MIER2: variants seen among roughly 807,000 people sequenced by gnomAD.
MIER2 encodes MIER family member 2, also known as mesoderm induction early response protein 2.
In MIER2, 30 loss-of-function variants were observed where a neutral mutation model predicts 67.6. That is an observed-to-expected ratio of 0.44 (90% confidence interval 0.33 to 0.60). The LOEUF (loss-of-function observed/expected upper bound fraction) is 0.60. Ranked by LOEUF, MIER2 falls within the 20% of genes least tolerant of loss-of-function variation. The probability of loss-of-function intolerance (pLI) is 0.02; values close to 1 mark genes in which losing one functional copy is unlikely to be tolerated. For synonymous variants in MIER2, 372 were observed against 312.6 expected, an observed-to-expected ratio of 1.19 and a Z score of -2.00; for missense variants, 702 against 745.1, an observed-to-expected ratio of 0.94 and a Z score of 0.67.
intron 1 of MIER2, among the ~76,000 whole-genome samples, chr19:340,960 T>A (rs8101120): frequency 2.6e-4 from 40 of 152,298 alleles, no homozygotes; most frequent in African/African-American, 8.7e-4. Flanking sequence ...TGCAGGGGCA[T>A]CTCACGCCTC....
chr19:337,503 C>A (rs1048038455), intron 1 of MIER2, among the ~76,000 whole-genome samples: 2 of 152,184 alleles, frequency 1.3e-5, no homozygotes, highest in Non-Finnish European at 2.9e-5. Flanking sequence ...AACGTGTACT[C>A]TCACCTCTCA....
chr19:306,247 A>C lies in MIER2; in HGVS notation c.*443T>G. The C allele has an allele frequency of 5.0e-6, 1 of 199,934 alleles. No homozygotes were observed. The highest frequency in any genetic ancestry group is 1.0e-5 in the Non-Finnish European group (1 of 99,562). 12.4% of individuals were successfully genotyped at this position (199,934 alleles called of 1,614,324 possible). ...CTGCCGGGTGTGGAGAGACAGAGCC[A>C]AGCAGGGAGCTGAGGGCGCCCCGGC... On this transcript the variant is annotated 3_prime_UTR_variant, in exon 14 of 14. Transcript: ENST00000264819.
intron 3 of MIER2, among the ~76,000 whole-genome samples, chr19:333,302 T>C (rs1600165683): frequency 1.5e-5 from 1 of 64,870 alleles, no homozygotes; most frequent in Non-Finnish European, 2.6e-5. Flanking sequence ...CCAACAATTT[T>C]TGTATTTTTA....
At chr19:322,715 T>G (rs1971550162) in intron 7 of MIER2, among the ~76,000 whole-genome samples, 1 of 148,938 alleles carries the variant, frequency 6.7e-6, no homozygotes, top group South Asian at 2.1e-4. Flanking sequence ...CACAAATCAT[T>G]AGTGAGAAAC....
In MIER2 at chr19:339,134, T is replaced by C. The variant is rs75005013; in HGVS notation, c.10-2961A>G. On this transcript the variant is annotated intron_variant, in intron 1 of 13. Coordinates refer to ENST00000264819, the MANE Select transcript of MIER2 (RefSeq NM_017550.3). ...ACAACTTCACCAAAATTAAAAACTTTTGTGCTTCAAAGGACGCCCCCAAGA... is the reference window on the plus strand; with the variant it reads ...ACAACTTCACCAAAATTAAAAACTTCTGTGCTTCAAAGGACGCCCCCAAGA... Among the ~76,000 whole-genome samples, 1,158 of 150,952 alleles carry C rather than the reference T, an allele frequency of 7.7e-3. 19 individuals are homozygous for C. The highest frequency in any genetic ancestry group is 0.027 in the African/African-American group (1,106 of 41,104).
chr19:314,613 G>C (rs930594454), intron 7 of MIER2, among the ~76,000 whole-genome samples: 2 of 152,022 alleles, frequency 1.3e-5, no homozygotes, highest in African/African-American at 4.8e-5. Context: ...ACCAAGCAGG[G>C]GCCTCTCCCG....
chr19:307,581 C>T (rs759704273), intron 12 of MIER2, 45 bp from the exon 13 acceptor site: 58 of 1,462,424 alleles, frequency 4.0e-5, no homozygotes, highest in Non-Finnish European at 4.7e-5. Context: ...CCCACAGCCG[C>T]GGATCCTGTG....
chr19:330,010 TCA>T (rs1196974589), intron 3 of MIER2, among the ~76,000 whole-genome samples: 1 of 152,078 alleles, frequency 6.6e-6, no homozygotes, highest in African/African-American at 2.4e-5. Flanking sequence ...GGTGGTTCCT[TCA>T]AGGAACCACA....
At position 306,236 on chromosome 19, in the gene MIER2, G is replaced by C. The variant is rs1033400911; in HGVS notation, c.*454C>G. The C allele has an allele frequency of 8.6e-5, 16 of 185,874 alleles. No individual in the cohort carries two copies. The highest frequency in any genetic ancestry group is 3.6e-4 in the African/African-American group (15 of 41,896). The allele number at this position is 185,874 out of a possible 1,614,324, so 11.5% of individuals were successfully genotyped here. On this transcript the variant is annotated 3_prime_UTR_variant, in exon 14 of 14. Transcript: ENST00000264819. ...AGCCCGCGGCCCTGCCGGGTGTGGAGAGACAGAGCCAAGCAGGGAGCTGAG... is the reference window on the plus strand; with the variant it reads ...AGCCCGCGGCCCTGCCGGGTGTGGACAGACAGAGCCAAGCAGGGAGCTGAG...
At chr19:333,772 T>G (rs1194657377) in intron 3 of MIER2, among the ~76,000 whole-genome samples, 1 of 145,306 alleles carries the variant, frequency 6.9e-6, no homozygotes, top group Admixed American at 7.0e-5. Context: ...CACTGCAAGC[T>G]CCGTCTCCCG....
Position 329,960 on chromosome 19 carries a change from T to C in MIER2, c.244-1971A>G, listed in dbSNP as rs189850632. On this transcript the variant is annotated intron_variant, in intron 3 of 13. Transcript: ENST00000264819. ...GATGTTTCCATGTGCTGTGAGGGCG[T>C]GGGAAGCATGCAGAATGCACCTGCT... 3.3e-5 allele frequency among the ~76,000 whole-genome samples: 5 copies of C among 150,412 alleles called. 1 individual carries two copies. In the East Asian group the frequency reaches 9.8e-4, roughly 30 times the overall value.
chr19:307,889 G>C (rs961305464), intron 12 of MIER2, among the ~76,000 whole-genome samples: 1 of 100,846 alleles, frequency 9.9e-6, no homozygotes, highest in South Asian at 2.4e-4. Context: ...GGGGCGCTGC[G>C]AGGGCTAATA....
At chr19:307,053 C>A in intron 13 of MIER2, 66 bp downstream of exon 13, 2 of 1,500,548 alleles carry the variant, frequency 1.3e-6, no homozygotes, top group Non-Finnish European at 1.8e-6. Context: ...CTCCTCTGCT[C>A]AGCCTGAGGG....
chr19:307,244 C>T lies in MIER2; in HGVS notation c.1491G>A (p.Val497=). The T allele has an allele frequency of 6.3e-7, 1 of 1,594,128 alleles. No homozygotes were observed. ...VDLSGDPEET[V]APAQVALSVT... is the part of the protein sequence containing the mutation. The stretch of plus-strand genomic sequence containing the variant: ...CCGACAAAGCCACCTGTGCTGGGGC[C>T]ACAGTCTCCTCCGGATCCCCGCTGA... Residue 497 remains valine, a synonymous_variant, in exon 13 of 14, where the codon GTG becomes GTA. Coordinates refer to ENST00000264819, the MANE Select transcript of MIER2 (RefSeq NM_017550.3).
chr19:306,851 T>C (rs1468550367), intron 13 of MIER2, 140 bp from the exon 14 acceptor site: 2 of 1,365,348 alleles, frequency 1.5e-6, no homozygotes, highest in Non-Finnish European at 2.0e-6. Flanking sequence ...CGGGGTGCCC[T>C]GAGGGGAGCT....
chr19:311,894 T>C lies in MIER2; in HGVS notation c.935A>G (p.His312Arg), dbSNP rs1300996086. 7 of 1,614,044 alleles carry C rather than the reference T, an allele frequency of 4.3e-6. No homozygotes were observed. Among genetic ancestry groups the C allele is most frequent in the Non-Finnish European group, 5.1e-6 (6 of 1,179,944 alleles). ...WSEEECRNFEHGFRVHGKNFH... is the reference protein window; with the variant it reads ...WSEEECRNFERGFRVHGKNFH... The stretch of plus-strand genomic sequence containing the variant: ...GTTCTTTCCATGCACACGGAAGCCG[T>C]GCTCAAAGTTCCTGCACTCCTCTTC... Residue 312 changes from histidine (H) to arginine (R), a missense_variant, in exon 10 of 14, where the codon CAC becomes CGC. Physicochemically the swap from His to Arg is conservative, Grantham distance 29 (BLOSUM62 0). Coordinates refer to ENST00000264819, the MANE Select transcript of MIER2 (RefSeq NM_017550.3).
chr19:319,371 C>A (rs72984457), intron 7 of MIER2, among the ~76,000 whole-genome samples: 21,119 of 152,124 alleles, frequency 0.14, 1,833 homozygotes, highest in African/African-American at 0.23. Context: ...CACACACACA[C>A]AAAAAGTAAA....
chr19:322,336 A>G (rs772032517), intron 7 of MIER2, among the ~76,000 whole-genome samples: 4 of 152,126 alleles, frequency 2.6e-5, no homozygotes, highest in Non-Finnish European at 4.4e-5. Context: ...CTTAAGTAGA[A>G]CACACACACA....
chr19:306,251 A>T lies in MIER2; in HGVS notation c.*439T>A. ...CGGGTGTGGAGAGACAGAGCCAAGC[A>T]GGGAGCTGAGGGCGCCCCGGCGGAG... On this transcript the variant is annotated 3_prime_UTR_variant, in exon 14 of 14. Transcript: ENST00000264819. 5.1e-6 allele frequency: 1 copy of T among 195,514 alleles called. No individual in the cohort carries two copies. The highest frequency in any genetic ancestry group is 1.0e-5 in the Non-Finnish European group (1 of 96,740). The allele number at this position is 195,514 out of a possible 1,614,324, so 12.1% of individuals were successfully genotyped here. A position where few individuals can be genotyped will look rare whatever the true frequency, so the allele number is the denominator to read the frequency against.
Sources: allele counts gnomAD v4.1 joint callset (sites outside exome capture counted in the v4.1 genomes callset), GRCh38; gene constraint gnomAD v4.1.1; transcripts MANE v1.5; gene names NCBI Gene and HGNC (gene_info 2026-07-23, HGNC 2026-07-21).